DGKB: variants seen among roughly 807,000 people sequenced by gnomAD.
DGKB encodes the protein diacylglycerol kinase beta, also known as 90 kDa diacylglycerol kinase.
In DGKB, 67 loss-of-function variants were observed where a neutral mutation model predicts 114.3. The observed-to-expected ratio is 0.59, with a 90% CI of 0.48 to 0.72. The LOEUF is 0.72. Ranked by LOEUF, DGKB falls within the 30% of genes least tolerant of loss-of-function variation. The probability of loss-of-function intolerance (pLI) is 0.00; values close to 1 mark genes in which losing one functional copy is unlikely to be tolerated. For missense variants in DGKB, 907 were observed against 975.2 expected, an observed-to-expected ratio of 0.93 and a Z score of 0.93; for synonymous variants, 398 against 323.1, an observed-to-expected ratio of 1.23 and a Z score of -2.49.
At chr7:14,563,642 T>C (rs1014061989) in intron 20 of DGKB, among the ~76,000 whole-genome samples, 4 of 122,760 alleles carry the variant, frequency 3.3e-5, no homozygotes, top group South Asian at 6.0e-4. Context: ...CATACAACTC[T>C]GTTTTTTTTT....
intron 9 of DGKB, among the ~76,000 whole-genome samples, chr7:14,691,162 G>A (rs753291792): frequency 5.3e-5 from 8 of 152,140 alleles, no homozygotes; most frequent in South Asian, 2.1e-4. Flanking sequence ...CATTGAAATC[G>A]TAAATGTTGT....
At chr7:14,462,695 C>T (rs188738563) in intron 21 of DGKB, among the ~76,000 whole-genome samples, 3 of 152,196 alleles carry the variant, frequency 2.0e-5, no homozygotes, top group African/African-American at 7.2e-5. Context: ...CAATGCTATC[C>T]CCATCAAGCA....
At chr7:14,310,363 G>A (rs1805184857) in intron 23 of DGKB, among the ~76,000 whole-genome samples, 1 of 152,104 alleles carries the variant, frequency 6.6e-6, no homozygotes, top group Admixed American at 6.6e-5. Flanking sequence ...GATACCAAGA[G>A]GTGATATTTC....
intron 6 of DGKB, among the ~76,000 whole-genome samples, chr7:14,704,580 T>C (rs955161008): frequency 8.6e-5 from 13 of 151,272 alleles, no homozygotes; most frequent in African/African-American, 2.9e-4. Context: ...CATCTGAGCT[T>C]TGAAGGGAGC....
At chr7:14,554,901 G>A (rs146781466) in intron 20 of DGKB, among the ~76,000 whole-genome samples, 2 of 151,588 alleles carry the variant, frequency 1.3e-5, no homozygotes, top group African/African-American at 4.8e-5. Context: ...TATTATTTTT[G>A]TTGAAAACAT....
intron 23 of DGKB, among the ~76,000 whole-genome samples, chr7:14,333,282 T>C (rs950826069): frequency 3.3e-5 from 5 of 151,534 alleles, no homozygotes; most frequent in Non-Finnish European, 7.4e-5. Context: ...CACGGTGAAA[T>C]ACCCCTCTAC....
At chr7:14,428,850 G>C (rs916260678) in intron 21 of DGKB, among the ~76,000 whole-genome samples, 8 of 151,984 alleles carry the variant, frequency 5.3e-5, no homozygotes, top group Non-Finnish European at 1.0e-4. Context: ...CAGATGCTAG[G>C]AAAACAGGCT....
intron 23 of DGKB, among the ~76,000 whole-genome samples, chr7:14,287,436 T>A (rs1306619809): frequency 6.6e-6 from 1 of 152,170 alleles, no homozygotes; most frequent in Non-Finnish European, 1.5e-5. Flanking sequence ...TAGGAATTTC[T>A]AAGTTGTTCT....
At chr7:14,694,470 A>G (rs2128995987) in intron 8 of DGKB, among the ~76,000 whole-genome samples, 1 of 152,326 alleles carries the variant, frequency 6.6e-6, no homozygotes, top group Admixed American at 6.5e-5. Context: ...ATCTTTAATA[A>G]GTGTGAAAGT....
intron 23 of DGKB, among the ~76,000 whole-genome samples, chr7:14,335,383 C>T (rs1810461569): frequency 6.6e-6 from 1 of 151,114 alleles, no homozygotes; most frequent in Non-Finnish European, 1.5e-5. Context: ...ACATGTGTCC[C>T]CCATTTTCTC....
intron 25 of DGKB, among the ~76,000 whole-genome samples, chr7:14,155,697 G>T (rs1782911512): frequency 6.6e-6 from 1 of 152,082 alleles, no homozygotes; most frequent in Admixed American, 6.6e-5. Flanking sequence ...ATGGGTGAGT[G>T]GATGTGTGGG....
At chr7:14,170,143 AAAAAAGAAAGAAAGAAAGAAAGAAAG>A in intron 25 of DGKB, among the ~76,000 whole-genome samples, 1 of 127,074 alleles carries the variant, frequency 7.9e-6, no homozygotes, top group African/African-American at 3.2e-5. Flanking sequence ...TCAAAAAAAA[AAAAAAGAAAGAAAGAAAGAAAGAAAG>A]AAAGAAAGAA....
At chr7:14,618,177 A>G (rs893587883) in intron 15 of DGKB, among the ~76,000 whole-genome samples, 1 of 151,456 alleles carries the variant, frequency 6.6e-6, no homozygotes, top group Non-Finnish European at 1.5e-5. Context: ...AATTGATTAT[A>G]TAGAGATAAT....
chr7:14,178,963 T>C (rs2128247243), intron 23 of DGKB, among the ~76,000 whole-genome samples: 1 of 152,264 alleles, frequency 6.6e-6, no homozygotes, highest in African/African-American at 2.4e-5. Flanking sequence ...CATTTACAGA[T>C]AGAGAAGCTA....
chr7:14,510,288 T>C (rs1057282150), intron 20 of DGKB, among the ~76,000 whole-genome samples: 5 of 152,190 alleles, frequency 3.3e-5, no homozygotes, highest in African/African-American at 1.2e-4. Flanking sequence ...CTGGGGTCAG[T>C]CTTCTTAAAT....
At position 14,170,141 on chromosome 7, in the gene DGKB, AAAAAAAAG is replaced by A. The variant is rs1319318806; in HGVS notation, c.2304+6690_2304+6697del. 9.0e-4 allele frequency among the ~76,000 whole-genome samples: 93 copies of A among 102,870 alleles called. 3 individuals carry two copies. Among genetic ancestry groups the A allele is most frequent in the Middle Eastern group, 9.8e-3 (2 of 204 alleles). The allele number at this position is 102,870 out of a possible 152,430, so 67.5% of individuals were successfully genotyped here. A position where few individuals can be genotyped will look rare whatever the true frequency, so the allele number is the denominator to read the frequency against. On this transcript the variant is annotated intron_variant, in intron 25 of 25. Transcript: ENST00000402815. ...AAGAGAGAAACTCCATCTCAAAAAA[AAAAAAAAG>A]AAAGAAAGAAAGAAAGAAAGAAAGA...
intron 1 of DGKB, among the ~76,000 whole-genome samples, chr7:14,852,490 A>AAAC (rs1849528535): frequency 1.3e-5 from 2 of 149,428 alleles, no homozygotes; most frequent in Non-Finnish European, 1.5e-5. Flanking sequence ...TGAAAGTCAA[A>AAAC]AAAAAAACAG....
intron 20 of DGKB, among the ~76,000 whole-genome samples, chr7:14,561,630 C>A (rs2128671512): frequency 6.6e-6 from 1 of 152,286 alleles, no homozygotes; most frequent in Non-Finnish European, 1.5e-5. Flanking sequence ...AACTTGGGAA[C>A]TGGAGCAATG....
chr7:14,911,472 C>T (rs36845), intron 1 of DGKB, among the ~76,000 whole-genome samples: 82,775 of 151,814 alleles, frequency 0.55, 24,552 homozygotes, highest in East Asian at 0.92. Context: ...AGTACCAGGA[C>T]TCTCAGAGTT....
Sources: allele counts gnomAD v4.1 joint callset (sites outside exome capture counted in the v4.1 genomes callset), GRCh38; gene constraint gnomAD v4.1.1; transcripts MANE v1.5; gene names NCBI Gene and HGNC (gene_info 2026-07-23, HGNC 2026-07-21).